ROCK1: variants seen among roughly 807,000 people sequenced by gnomAD.
The protein encoded by ROCK1 is Rho associated coiled-coil containing protein kinase 1.
In ROCK1, 36 loss-of-function variants were observed where a neutral mutation model predicts 196.8. That is an observed-to-expected ratio of 0.18 (90% CI 0.14 to 0.24). The LOEUF is 0.24. Ranked by LOEUF, ROCK1 falls within the 10% of genes least tolerant of loss-of-function variation. The probability of loss-of-function intolerance (pLI) is 1.00; values close to 1 mark genes in which losing one functional copy is unlikely to be tolerated. For synonymous variants in ROCK1, 443 were observed against 515.9 expected, an observed-to-expected ratio of 0.86 and a Z score of 1.91; for missense variants, 920 against 1,562.0, an observed-to-expected ratio of 0.59 and a Z score of 6.93.
chr18:20,991,078 TTCTACGAGTTAAAGAGTACA>T, intron 18 of ROCK1, 78 bp downstream of exon 18: 1 of 919,520 alleles, frequency 1.1e-6, no homozygotes, highest in Non-Finnish European at 1.7e-6. Flanking sequence ...ATATTATACT[TTCTACGAGTTAAAGAGTACA>T]AAATTTTGAC....
At chr18:21,005,523 G>A (rs2035760796) in intron 16 of ROCK1, among the ~76,000 whole-genome samples, 1 of 152,146 alleles carries the variant, frequency 6.6e-6, no homozygotes, top group Non-Finnish European at 1.5e-5. Flanking sequence ...TACCCTGCAG[G>A]AGTACCTGTG....
At chr18:20,994,708 C>T (rs564138861) in intron 16 of ROCK1, among the ~76,000 whole-genome samples, 9 of 152,286 alleles carry the variant, frequency 5.9e-5, no homozygotes, top group South Asian at 4.1e-4. Context: ...GTTGAATCCA[C>T]GCAAGATTCC....
rs1169545001 is a variant in ROCK1 at position 20,948,782 on chromosome 18, G to C, written c.*2602C>G. On this transcript the variant is annotated 3_prime_UTR_variant, in exon 33 of 33. Coordinates refer to ENST00000399799, the MANE Select transcript of ROCK1 (RefSeq NM_005406.3). ...TTTTGGCCACGTAGATGCACCTAGA[G>C]AAGGCAGACGTGAGATGCAGGCTGT... is the stretch of plus-strand genomic sequence containing the variant. 1.3e-5 allele frequency: 2 copies of C among 152,240 alleles called. No homozygotes were observed. The highest frequency in any genetic ancestry group is 2.9e-5 in the Non-Finnish European group (2 of 68,082). The allele number at this position is 152,240 out of a possible 1,614,324, so 9.4% of individuals were successfully genotyped here.
intron 31 of ROCK1, among the ~76,000 whole-genome samples, chr18:20,954,105 T>G (rs2035217437): frequency 7.0e-6 from 1 of 143,040 alleles, no homozygotes; most frequent in Non-Finnish European, 1.5e-5. Flanking sequence ...CTAGAAGATA[T>G]TCTGTGATAC....
At chr18:21,041,096 G>A (rs565910094) in intron 8 of ROCK1, among the ~76,000 whole-genome samples, 48 of 151,534 alleles carry the variant, frequency 3.2e-4, no homozygotes, top group African/African-American at 1.1e-3. Flanking sequence ...ACTCCAGCCT[G>A]GGCAACAGAG....
intron 13 of ROCK1, among the ~76,000 whole-genome samples, chr18:21,011,303 T>C (rs1176944620): frequency 6.6e-6 from 1 of 152,218 alleles, no homozygotes; most frequent in Non-Finnish European, 1.5e-5. Context: ...TTAACTATGG[T>C]GTTTTTGAAT....
At chr18:21,016,903 A>T (rs1239169474) in intron 12 of ROCK1, among the ~76,000 whole-genome samples, 1 of 152,052 alleles carries the variant, frequency 6.6e-6, no homozygotes, top group Admixed American at 6.6e-5. Context: ...AAGAGAAAAA[A>T]AAATTCTCCC....
At chr18:21,016,885 C>T (rs1264568254) in intron 12 of ROCK1, among the ~76,000 whole-genome samples, 6 of 149,144 alleles carry the variant, frequency 4.0e-5, no homozygotes, top group Non-Finnish European at 7.4e-5. Context: ...AGCCCCCCCG[C>T]AAAAAAAAAG....
chr18:21,078,686 G>A lies in ROCK1; in HGVS notation c.94-8073C>T, dbSNP rs117907282. Among the ~76,000 whole-genome samples the A allele has an allele frequency of 6.3e-3, 954 of 152,156 alleles. 6 individuals are homozygous for A. Among genetic ancestry groups the A allele is most frequent in the Middle Eastern group, 0.031 (9 of 294 alleles). The stretch of plus-strand genomic sequence containing the variant: ...TCAAGGTGGCTTTGTCTTGCTTCCT[G>A]GGCATTCCTTCTTAAAATGCCCTGA... On this transcript the variant is annotated intron_variant, in intron 1 of 32. Coordinates refer to ENST00000399799, the MANE Select transcript of ROCK1 (RefSeq NM_005406.3).
At chr18:20,968,681 AC>A (rs1485258431) in intron 25 of ROCK1, 90 bp downstream of exon 25, 3 of 749,944 alleles carry the variant, frequency 4.0e-6, no homozygotes, top group African/African-American at 3.6e-5. Context: ...AAAAGCTTGA[AC>A]CTTATAAGCC....
At chr18:20,977,912 G>A (rs535919401) in intron 22 of ROCK1, among the ~76,000 whole-genome samples, 17 of 152,254 alleles carry the variant, frequency 1.1e-4, no homozygotes, top group African/African-American at 4.1e-4. Context: ...ATGCAGCTTT[G>A]TGTCTACCTT....
intron 2 of ROCK1, among the ~76,000 whole-genome samples, chr18:21,055,152 T>A (rs1218150113): frequency 6.6e-6 from 1 of 152,168 alleles, no homozygotes; most frequent in Non-Finnish European, 1.5e-5. Context: ...ACAATCCTAT[T>A]ATAGTTAAAT....
chr18:20,960,094 T>C (rs750236263), intron 28 of ROCK1, 42 bp downstream of exon 28: 3 of 1,335,904 alleles, frequency 2.2e-6, no homozygotes, highest in Admixed American at 3.5e-5. Flanking sequence ...AAGTAAAATA[T>C]AGAACAAAAT....
At chr18:21,094,310 G>A (rs1214834179) in intron 1 of ROCK1, among the ~76,000 whole-genome samples, 1 of 152,048 alleles carries the variant, frequency 6.6e-6, no homozygotes, top group East Asian at 1.9e-4. Context: ...CTTTTTTAAA[G>A]AATCAACAAA....
At chr18:21,006,323 A>C (rs780750800) in intron 16 of ROCK1, 28 bp downstream of exon 16, 1 of 1,563,926 alleles carries the variant, frequency 6.4e-7, no homozygotes, top group East Asian at 2.2e-5. Flanking sequence ...TGTTACGTAT[A>C]TTTTACCACA....
chr18:20,960,994 T>C (rs1172906568), intron 27 of ROCK1, among the ~76,000 whole-genome samples: 3 of 152,154 alleles, frequency 2.0e-5, no homozygotes, highest in African/African-American at 4.8e-5. Flanking sequence ...AACTAGTACG[T>C]GCATACCAGG....
chr18:21,105,586 A>G (rs1484554306), intron 1 of ROCK1, among the ~76,000 whole-genome samples: 2 of 152,242 alleles, frequency 1.3e-5, no homozygotes, highest in Non-Finnish European at 2.9e-5. Flanking sequence ...AATCTGCTGT[A>G]ATAACCCAAT....
chr18:20,987,055 C>A lies in ROCK1; in HGVS notation c.2199G>T (p.Arg733=), dbSNP rs201216081. 1 of 1,612,972 alleles carries A rather than the reference C, an allele frequency of 6.2e-7. No individual in the cohort carries two copies. Among genetic ancestry groups the A allele is most frequent in the Admixed American group, 1.7e-5 (1 of 59,808 alleles). Residue 733 remains arginine, a synonymous_variant, in exon 19 of 33, where the codon CGG becomes CGT. Coordinates refer to ENST00000399799, the MANE Select transcript of ROCK1 (RefSeq NM_005406.3). ...EREAREKAEN[R]VVQIEKQCSM... is the part of the protein sequence containing the mutation. ...AACACTGTTTCTCAATCTGAACAAC[C>A]CGATTTTCAGCCTTCTCTCGAGCTT...
intron 1 of ROCK1, among the ~76,000 whole-genome samples, chr18:21,077,131 G>A (rs1187089973): frequency 1.3e-5 from 2 of 151,290 alleles, no homozygotes; most frequent in East Asian, 3.9e-4. Flanking sequence ...CCACCACCGC[G>A]CCCGGCTAAT....
Sources: gnomAD v4.1 joint callset for allele counts (sites outside exome capture counted in the v4.1 genomes callset) on GRCh38, gnomAD v4.1.1 for gene constraint, MANE v1.5 for transcripts, NCBI Gene and HGNC (gene_info 2026-07-23, HGNC 2026-07-21) for gene names.